CACNA2D1: variants seen among roughly 807,000 people sequenced by gnomAD.
CACNA2D1 encodes voltage-dependent calcium channel subunit alpha-2/delta-1.
In CACNA2D1, 53 loss-of-function variants were observed where a neutral mutation model predicts 171.5. The ratio of observed to expected loss-of-function variants is 0.31; its 90% CI spans 0.25 to 0.39. The LOEUF is 0.39. CACNA2D1 is among the 10% of genes least tolerant of loss of function. CACNA2D1 has a pLI of 1.00. For synonymous variants in CACNA2D1, 442 were observed against 443.1 expected (o/e 1.00, Z 0.03); for missense variants, 903 against 1,299.8 (o/e 0.69, Z 4.69).
intron 22 of CACNA2D1, among the ~76,000 whole-genome samples, chr7:81,984,307 G>T (rs2130661872): frequency 6.6e-6 from 1 of 152,282 alleles, no homozygotes; most frequent in South Asian, 2.1e-4. Context: ...TTGATAAGTA[G>T]CATGTGAAAC....
rs143717085 is a variant in CACNA2D1 at position 82,239,207 on chromosome 7, G to A, written c.295-68598C>T. Among the ~76,000 whole-genome samples, 1,167 of 151,814 alleles carry A rather than the reference G, an allele frequency of 7.7e-3. 6 individuals are homozygous for A. Among genetic ancestry groups the A allele is most frequent in the Non-Finnish European group, 0.012 (786 of 67,918 alleles). On this transcript the variant is annotated intron_variant, in intron 3 of 38. Coordinates refer to ENST00000356860, the MANE Select transcript of CACNA2D1 (RefSeq NM_000722.4). ...AGAAAATAAGAATATGAATCAGTACGCTCATTGGTAAATGGCTAGATCTTA... is the reference window on the plus strand; with the variant it reads ...AGAAAATAAGAATATGAATCAGTACACTCATTGGTAAATGGCTAGATCTTA...
chr7:82,334,682 G>GA (rs1225426617), intron 3 of CACNA2D1, among the ~76,000 whole-genome samples: 3 of 150,290 alleles, frequency 2.0e-5, no homozygotes, highest in South Asian at 4.2e-4. Flanking sequence ...TTTTTAAAAA[G>GA]AAAAAAAATG....
chr7:82,239,073 T>A (rs1043776062), intron 3 of CACNA2D1, among the ~76,000 whole-genome samples: 3 of 152,128 alleles, frequency 2.0e-5, no homozygotes, highest in Non-Finnish European at 4.4e-5. Context: ...TAGAAACTAG[T>A]AATGACTGTG....
chr7:82,193,937 T>C (rs1405407706), intron 3 of CACNA2D1, among the ~76,000 whole-genome samples: 1 of 152,066 alleles, frequency 6.6e-6, no homozygotes, highest in African/African-American at 2.4e-5. Flanking sequence ...TGTCATATTT[T>C]TAAAAGCATC....
chr7:82,177,482 T>C (rs1036760541), intron 3 of CACNA2D1, among the ~76,000 whole-genome samples: 2 of 152,100 alleles, frequency 1.3e-5, no homozygotes, highest in Non-Finnish European at 2.9e-5. Context: ...AAGGTTTGGA[T>C]TGAACAAACA....
intron 3 of CACNA2D1, among the ~76,000 whole-genome samples, chr7:82,179,968 G>A (rs1796948945): frequency 6.6e-6 from 1 of 151,620 alleles, no homozygotes; most frequent in African/African-American, 2.4e-5. Flanking sequence ...TAAAGTTATT[G>A]GAAAGGGCAT....
intron 7 of CACNA2D1, among the ~76,000 whole-genome samples, chr7:82,080,781 T>A (rs866228434): frequency 6.6e-6 from 1 of 152,228 alleles, no homozygotes; most frequent in African/African-American, 2.4e-5. Context: ...TCAGTCATGT[T>A]TAGATTCCTT....
Position 81,969,942 on chromosome 7 carries a change from G to A in CACNA2D1, c.2247C>T (p.Asp749=). Residue 749 remains aspartate, a synonymous_variant, in exon 28 of 39, where the codon GAC becomes GAT. Transcript: ENST00000356860. ...NWQENPETYE[D]SFYKRSLDND... is the part of the protein sequence containing the mutation. Reference sequence around the variant, plus strand: ...TATCTAGGCTCCTTTTATAGAAGCTGTCCTCATATGTCTCTGGGTTTTCTT... The same window carrying A: ...TATCTAGGCTCCTTTTATAGAAGCTATCCTCATATGTCTCTGGGTTTTCTT... 1 of 1,608,664 alleles carries A rather than the reference G, an allele frequency of 6.2e-7. No homozygotes were observed. Among genetic ancestry groups the A allele is most frequent in the South Asian group, 1.1e-5 (1 of 90,938 alleles).
At chr7:82,130,968 T>A (rs1021489672) in intron 5 of CACNA2D1, among the ~76,000 whole-genome samples, 2 of 151,806 alleles carry the variant, frequency 1.3e-5, no homozygotes, top group Non-Finnish European at 2.9e-5. Flanking sequence ...GGCTAAATTT[T>A]AAAAAAATAT....
intron 6 of CACNA2D1, among the ~76,000 whole-genome samples, chr7:82,097,628 G>A (rs1409097002): frequency 6.6e-6 from 1 of 152,072 alleles, no homozygotes; most frequent in East Asian, 1.9e-4. Context: ...CATAACGTGA[G>A]GTGCTTCTGA....
intron 1 of CACNA2D1, among the ~76,000 whole-genome samples, chr7:82,398,270 C>T (rs1825952413): frequency 6.6e-6 from 1 of 152,174 alleles, no homozygotes; most frequent in Admixed American, 6.5e-5. Flanking sequence ...ATTTTTATTG[C>T]AGCAAATCAA....
chr7:82,041,280 T>C (rs1803934864), intron 10 of CACNA2D1, among the ~76,000 whole-genome samples: 1 of 151,762 alleles, frequency 6.6e-6, no homozygotes, highest in South Asian at 2.1e-4. Flanking sequence ...AGGTAAAAAA[T>C]AAAGCTCGTC....
chr7:82,341,372 G>A (rs377403879), intron 2 of CACNA2D1, among the ~76,000 whole-genome samples: 3 of 152,088 alleles, frequency 2.0e-5, no homozygotes, highest in Non-Finnish European at 4.4e-5. Flanking sequence ...ACTAGTGACT[G>A]TAGATCTGAA....
Position 82,105,398 on chromosome 7 carries a change from C to CTTTT in CACNA2D1, c.526+11642_526+11645dup, listed in dbSNP as rs572031121. Reference sequence around the variant, plus strand: ...GAAAATTAATCAAACCAGTTTTTGTCTTTTTTTTTTTTTTTTTTTTTTTTA... The same window carrying CTTTT: ...GAAAATTAATCAAACCAGTTTTTGTCTTTTTTTTTTTTTTTTTTTTTTTTTTTTA... On this transcript the variant is annotated intron_variant, in intron 6 of 38. Coordinates refer to ENST00000356860, the MANE Select transcript of CACNA2D1 (RefSeq NM_000722.4). Among the ~76,000 whole-genome samples the CTTTT allele has an allele frequency of 7.1e-3, 702 of 99,460 alleles. 10 individuals are homozygous for CTTTT. Among genetic ancestry groups the CTTTT allele is most frequent in the Middle Eastern group, 0.023 (2 of 86 alleles). 65.2% of individuals were successfully genotyped at this position (99,460 alleles called of 152,430 possible).
At chr7:82,227,188 C>T (rs1002633299) in intron 3 of CACNA2D1, among the ~76,000 whole-genome samples, 1 of 152,076 alleles carries the variant, frequency 6.6e-6, no homozygotes, top group Non-Finnish European at 1.5e-5. Flanking sequence ...TTTATCCATT[C>T]TCAATGAGTT....
intron 20 of CACNA2D1, among the ~76,000 whole-genome samples, chr7:81,991,957 T>C (rs1469052196): frequency 1.3e-5 from 2 of 151,432 alleles, no homozygotes; most frequent in East Asian, 1.9e-4. Context: ...GCTTCAGCCT[T>C]CCCAGTAGCT....
Position 81,948,419 on chromosome 7 carries a change from A to T in CACNA2D1, c.*1973T>A, listed in dbSNP as rs1248205874. The T allele has an allele frequency of 6.6e-6, 1 of 151,768 alleles. No homozygotes were observed. The highest frequency in any genetic ancestry group is 1.5e-5 in the Non-Finnish European group (1 of 67,764). The allele number at this position is 151,768 out of a possible 1,614,324, so 9.4% of individuals were successfully genotyped here. The stretch of plus-strand genomic sequence containing the variant: ...ATGGTAACTGATGTCAACTCTTAGA[A>T]CAATAGTTGGCAAAGTGATTCCATT... On this transcript the variant is annotated 3_prime_UTR_variant, in exon 39 of 39. Coordinates refer to ENST00000356860, the MANE Select transcript of CACNA2D1 (RefSeq NM_000722.4).
Position 82,090,105 on chromosome 7 carries a change from C to T in CACNA2D1, c.527-5205G>A, listed in dbSNP as rs556533853. The stretch of plus-strand genomic sequence containing the variant: ...TTAATTAACTTATCCATCACCTTTA[C>T]ATAACTACCATTAGGGTGGAAGTTG... On this transcript the variant is annotated intron_variant, in intron 6 of 38. Coordinates refer to ENST00000356860, the MANE Select transcript of CACNA2D1 (RefSeq NM_000722.4). 2.6e-4 allele frequency among the ~76,000 whole-genome samples: 39 copies of T among 152,228 alleles called. 1 individual carries two copies. The highest frequency in any genetic ancestry group is 8.9e-4 in the African/African-American group (37 of 41,554).
chr7:82,401,345 G>T (rs866802184), intron 1 of CACNA2D1, among the ~76,000 whole-genome samples: 4 of 150,726 alleles, frequency 2.7e-5, no homozygotes, highest in Middle Eastern at 3.4e-3. Flanking sequence ...AGAAAATGTG[G>T]CACATATACA....
Sources: gnomAD v4.1 joint callset for allele counts (sites outside exome capture counted in the v4.1 genomes callset) on GRCh38, gnomAD v4.1.1 for gene constraint, MANE v1.5 for transcripts, NCBI Gene and HGNC (gene_info 2026-07-23, HGNC 2026-07-21) for gene names.